Variants in PRRT1 observed in about 807,000 individuals in gnomAD.
PRRT1 encodes proline rich transmembrane protein 1.
PRRT1 carries 8 observed loss-of-function variants against 22.6 expected under a neutral mutation model. The ratio of observed to expected loss-of-function variants is 0.35; its 90% CI spans 0.21 to 0.64. The LOEUF is 0.64. PRRT1 is among the 30% of genes least tolerant of loss of function. The pLI is 0.69. For missense variants in PRRT1, 315 were observed against 444.5 expected, an observed-to-expected ratio of 0.71 and a Z score of 2.62; for synonymous variants, 176 against 203.6, an observed-to-expected ratio of 0.86 and a Z score of 1.15.
chr6:32,150,239 G>C lies in PRRT1; in HGVS notation c.558+129C>G. The C allele has an allele frequency of 8.4e-7, 1 of 1,185,468 alleles. No individual in the cohort carries two copies. Among genetic ancestry groups the C allele is most frequent in the Non-Finnish European group, 1.1e-6 (1 of 892,836 alleles). 73.4% of individuals were successfully genotyped at this position (1,185,468 alleles called of 1,614,324 possible). A position where few individuals can be genotyped will look rare whatever the true frequency, so the allele number is the denominator to read the frequency against. ...TGTCTCAGGCTCCCTTCTTTCTAGGGCTTGTCCCGGGAACACTACCTGTTC... is the reference window on the plus strand; with the variant it reads ...TGTCTCAGGCTCCCTTCTTTCTAGGCCTTGTCCCGGGAACACTACCTGTTC... On this transcript the variant is annotated intron_variant, in intron 2 of 3. Coordinates refer to ENST00000211413, the MANE Select transcript of PRRT1 (RefSeq NM_030651.4). This position sits in a 1 kb window ranked among gnomAD's most constrained non-coding sequence, Gnocchi z 7.2.
rs866340082 is a variant in PRRT1 at position 32,150,625 on chromosome 6, A to T, written c.301T>A (p.Cys101Ser). 2 of 1,410,548 alleles carry T rather than the reference A, an allele frequency of 1.4e-6. No homozygotes were observed. The highest frequency in any genetic ancestry group is 5.5e-5 in the East Asian group (2 of 36,294). 87.4% of individuals were successfully genotyped at this position (1,410,548 alleles called of 1,614,324 possible). The stretch of plus-strand genomic sequence containing the variant: ...GGTGGCATGCGGGGCAAGGTAGCGC[A>T]GCCGGGTGGGGGTGCCCCGGCAGCA... ...GPAAGAPPPGCATLPRMPPDP... is the reference protein window; with the variant it reads ...GPAAGAPPPGSATLPRMPPDP... Residue 101 changes from cysteine (C) to serine (S), a missense_variant, in exon 2 of 4, where the codon TGC (cysteine) becomes AGC (serine). Cys to Ser is a moderately radical substitution (Grantham distance 112, BLOSUM62 -1). Transcript: ENST00000211413. This position sits in a 1 kb window ranked among gnomAD's most constrained non-coding sequence, Gnocchi z 7.2.
Position 32,150,670 on chromosome 6 carries a change from G to T in PRRT1, c.256C>A (p.His86Asn). The change falls in exon 2 of 4, where the codon CAC becomes AAC. Residue 86 changes from histidine (H) to asparagine (N), a missense_variant. By Grantham distance (68) the His-to-Asn change is moderately conservative. This residue lies in a region of PRRT1 where 263 missense variants were observed against 328.5 expected (regional missense o/e 0.80). Transcript: ENST00000211413. This position sits in a 1 kb window ranked among gnomAD's most constrained non-coding sequence, Gnocchi z 7.2. The part of the protein sequence containing the change: ...SSSATLPRPP[H>N]HAPPGPAAGA... The stretch of plus-strand genomic sequence containing the variant: ...GCAGCAGGGCCGGGAGGGGCGTGGT[G>T]GGGGGGCCTCGGCAGCGTGGCAGAG... 1.4e-6 allele frequency: 2 copies of T among 1,427,040 alleles called. No individual in the cohort carries two copies. The highest frequency in any genetic ancestry group is 1.5e-5 in the South Asian group (1 of 65,960). The allele number at this position is 1,427,040 out of a possible 1,614,324, so 88.4% of individuals were successfully genotyped here. A position where few individuals can be genotyped will look rare whatever the true frequency, so the allele number is the denominator to read the frequency against.
rs1783099420 is a variant in PRRT1, at chr6:32,148,788, A to C, written c.*434T>G. 3 of 478,208 alleles carry C rather than the reference A, an allele frequency of 6.3e-6. No homozygotes were observed. Among genetic ancestry groups the C allele is most frequent in the Non-Finnish European group, 1.2e-5 (3 of 241,822 alleles). 29.6% of individuals were successfully genotyped at this position (478,208 alleles called of 1,614,324 possible). On this transcript the variant is annotated 3_prime_UTR_variant, in exon 4 of 4. Transcript: ENST00000211413. The surrounding 1 kb of genome is among the most constrained non-coding windows in gnomAD (Gnocchi z 5.7). ...TCTGTGGGCGAGGCCTGGAGCCACA[A>C]ACCCAATCACTGGACTGAATCACCC...
chr6:32,151,645 G>C, intron 1 of PRRT1, 164 bp downstream of exon 1: 1 of 619,068 alleles, frequency 1.6e-6, no homozygotes, highest in Admixed American at 2.5e-5. Flanking sequence ...GAAGAGAAAG[G>C]GGGAGACAGA....
In PRRT1 at chr6:32,149,905, G is replaced by T; in HGVS notation, c.559-183C>A. On this transcript the variant is annotated intron_variant, in intron 2 of 3. Transcript: ENST00000211413. The surrounding 1 kb of genome is among the most constrained non-coding windows in gnomAD (Gnocchi z 8.7). ...CCTAAGCCCCTCTCCTCCCTTCCTT[G>T]CTTCATTAACCACCATATTCTTGGG... is the stretch of plus-strand genomic sequence containing the variant. 1.7e-6 allele frequency: 1 copy of T among 579,774 alleles called. No homozygotes were observed. The highest frequency in any genetic ancestry group is 3.0e-6 in the Non-Finnish European group (1 of 328,966). The allele number at this position is 579,774 out of a possible 1,614,324, so 35.9% of individuals were successfully genotyped here.
In PRRT1 at chr6:32,150,323, A is replaced by G; in HGVS notation, c.558+45T>C. 1 of 1,540,164 alleles carries G rather than the reference A, an allele frequency of 6.5e-7. No individual in the cohort carries two copies. On this transcript the variant is annotated intron_variant, in intron 2 of 3. Transcript: ENST00000211413. The surrounding 1 kb of genome is among the most constrained non-coding windows in gnomAD (Gnocchi z 7.2). The stretch of plus-strand genomic sequence containing the variant: ...GCGTATCCCCAATTTCAAGTCCTGT[A>G]TCGCGTCCCCCTCTTTCCCATGTCC...
rs1162289285 is a variant in PRRT1, at chr6:32,150,726, G to A, written c.200C>T (p.Ser67Phe). The A allele has an allele frequency of 1.3e-6, 2 of 1,490,264 alleles. No homozygotes were observed. The highest frequency in any genetic ancestry group is 1.4e-5 in the African/African-American group (1 of 71,960). The allele number at this position is 1,490,264 out of a possible 1,614,324, so 92.3% of individuals were successfully genotyped here. ...PRLGAGGLASSAATAQRGPSS... is the reference protein window; with the variant it reads ...PRLGAGGLASFAATAQRGPSS... ...GGGACCGCGCTGAGCGGTGGCCGCG[G>A]AAGAGGCCAGGCCCCCTGCCCCTAA... The change falls in exon 2 of 4, where the codon TCC becomes TTC. Residue 67 changes from serine (S) to phenylalanine (F), a missense_variant. By Grantham distance (155) the Ser-to-Phe change is radical (BLOSUM62 -2). Coordinates refer to ENST00000211413, the MANE Select transcript of PRRT1 (RefSeq NM_030651.4). The surrounding 1 kb of genome is among the most constrained non-coding windows in gnomAD (Gnocchi z 7.2).
In PRRT1 at chr6:32,150,686, C is replaced by A; in HGVS notation, c.240G>T (p.Thr80=). The stretch of plus-strand genomic sequence containing the variant: ...GGGCGTGGTGGGGGGGCCTCGGCAG[C>A]GTGGCAGAGGAGGAGGGACCGCGCT... ...TAQRGPSSSA[T]LPRPPHHAPP... The change falls in exon 2 of 4, where the codon ACG becomes ACT. Residue 80 remains threonine, a synonymous_variant. Transcript: ENST00000211413. The surrounding 1 kb of genome is among the most constrained non-coding windows in gnomAD (Gnocchi z 7.2). 2.8e-6 allele frequency: 4 copies of A among 1,433,130 alleles called. No homozygotes were observed. The highest frequency in any genetic ancestry group is 3.6e-6 in the Non-Finnish European group (4 of 1,098,282). The allele number at this position is 1,433,130 out of a possible 1,614,324, so 88.8% of individuals were successfully genotyped here.
chr6:32,152,028 G>C (rs1475143087), upstream of PRRT1: 3 of 628,368 alleles, frequency 4.8e-6, no homozygotes, highest in Admixed American at 6.3e-5. Flanking sequence ...GCGAGGGAGG[G>C]GGAGCGCTTC....
Position 32,149,202 on chromosome 6 carries a change from G to C in PRRT1, c.*20C>G. The C allele has an allele frequency of 6.2e-7, 1 of 1,610,164 alleles. No individual in the cohort carries two copies. The highest frequency in any genetic ancestry group is 8.5e-7 in the Non-Finnish European group (1 of 1,179,138). ...CTGGGAGATCGAGGGGCGCAGAGTGGGGCCGGACCAGGGGCGTTTTTAGGG... is the reference window on the plus strand; with the variant it reads ...CTGGGAGATCGAGGGGCGCAGAGTGCGGCCGGACCAGGGGCGTTTTTAGGG... On this transcript the variant is annotated 3_prime_UTR_variant, in exon 4 of 4. Coordinates refer to ENST00000211413, the MANE Select transcript of PRRT1 (RefSeq NM_030651.4). The surrounding 1 kb of genome is among the most constrained non-coding windows in gnomAD (Gnocchi z 8.7).
chr6:32,149,476 CCCCAGAACG>C lies in PRRT1; in HGVS notation c.744+52_744+60del, dbSNP rs1292447782. On this transcript the variant is annotated intron_variant, in intron 3 of 3. Transcript: ENST00000211413. This position sits in a 1 kb window ranked among gnomAD's most constrained non-coding sequence, Gnocchi z 8.7. ...CGCCTCAGCCTTTCTCTAAGATGGT[CCCCAGAACG>C]CCCAGAACTCCCTGTCCCCGCCCCC... The C allele has an allele frequency of 6.2e-7, 1 of 1,605,176 alleles. No individual in the cohort carries two copies. Among genetic ancestry groups the C allele is most frequent in the East Asian group, 2.2e-5 (1 of 44,638 alleles).
intron 1 of PRRT1, 128 bp from the exon 2 acceptor site, chr6:32,151,034 C>A: frequency 2.4e-6 from 2 of 821,368 alleles, no homozygotes; most frequent in Non-Finnish European, 4.0e-6. Context: ...TAGAGAGAGA[C>A]GGGTGAGAAA....
chr6:32,148,761 C>A lies in PRRT1; in HGVS notation c.*461G>T, dbSNP rs1561797547. On this transcript the variant is annotated 3_prime_UTR_variant, in exon 4 of 4. Transcript: ENST00000211413. The surrounding 1 kb of genome is among the most constrained non-coding windows in gnomAD (Gnocchi z 5.7). Reference sequence around the variant, plus strand: ...GCCGGAAGAAAGGGAGGGGTCTGTCCGTCTGTGGGCGAGGCCTGGAGCCAC... The same window carrying A: ...GCCGGAAGAAAGGGAGGGGTCTGTCAGTCTGTGGGCGAGGCCTGGAGCCAC... The A allele has an allele frequency of 2.1e-6, 1 of 469,992 alleles. No individual in the cohort carries two copies. The highest frequency in any genetic ancestry group is 6.6e-5 in the East Asian group (1 of 15,222). The allele number at this position is 469,992 out of a possible 1,614,324, so 29.1% of individuals were successfully genotyped here. A position where few individuals can be genotyped will look rare whatever the true frequency, so the allele number is the denominator to read the frequency against.
In PRRT1 at chr6:32,149,711, G is replaced by A. The variant is rs543250418; in HGVS notation, c.570C>T (p.Gly190=). Residue 190 remains glycine (G), a synonymous_variant, in exon 3 of 4, where the codon GGC becomes GGT. Coordinates refer to ENST00000211413, the MANE Select transcript of PRRT1 (RefSeq NM_030651.4). This position sits in a 1 kb window ranked among gnomAD's most constrained non-coding sequence, Gnocchi z 8.7. The stretch of plus-strand genomic sequence containing the variant: ...TCACTCCTGTTCCCCCCGGGGTCCC[G>A]CCTGCATATGGCTGTGGAAGGAAAT... The part of the protein sequence containing the change: ...PVYPVGTPYA[G]GTPGGTGVTS... 1,287 of 1,584,776 alleles carry A rather than the reference G, an allele frequency of 8.1e-4. 3 individuals are homozygous for A. Among genetic ancestry groups the A allele is most frequent in the African/African-American group, 3.6e-3 (270 of 74,488 alleles).
Position 32,149,695 on chromosome 6 carries a change from T to C in PRRT1, c.586A>G (p.Thr196Ala). The C allele has an allele frequency of 6.2e-7, 1 of 1,603,652 alleles. No homozygotes were observed. Among genetic ancestry groups the C allele is most frequent in the Non-Finnish European group, 8.5e-7 (1 of 1,175,252 alleles). The change falls in exon 3 of 4, where the codon ACA (threonine) becomes GCA (alanine). Residue 196 changes from threonine to alanine, a missense_variant. Transcript: ENST00000211413. This position sits in a 1 kb window ranked among gnomAD's most constrained non-coding sequence, Gnocchi z 8.7. ...TPYAGGTPGG[T>A]GVTSTLPPPP... The stretch of plus-strand genomic sequence containing the variant: ...GGGGGGAGAGTGGAGGTCACTCCTG[T>C]TCCCCCCGGGGTCCCGCCTGCATAT...
chr6:32,150,498 G>A lies in PRRT1; in HGVS notation c.428C>T (p.Ala143Val), dbSNP rs944311390. 7.5e-6 allele frequency: 11 copies of A among 1,457,810 alleles called. No individual in the cohort carries two copies. Among genetic ancestry groups the A allele is most frequent in the Non-Finnish European group, 8.1e-6 (9 of 1,110,658 alleles). The allele number at this position is 1,457,810 out of a possible 1,614,324, so 90.3% of individuals were successfully genotyped here. The stretch of plus-strand genomic sequence containing the variant: ...GTGCGTGGGCACCACGAAGCCAGGG[G>A]CCTGGGCAGTCTGGGCTGGCGCCGG... ...PPPAPAQTAQ[A>V]PGFVVPTHAG... The change falls in exon 2 of 4, where the codon GCC becomes GTC. Residue 143 changes from alanine to valine, a missense_variant. Transcript: ENST00000211413. This position sits in a 1 kb window ranked among gnomAD's most constrained non-coding sequence, Gnocchi z 7.2.
chr6:32,151,652 CAGAA>C, intron 1 of PRRT1, 153 bp downstream of exon 1: 1 of 602,308 alleles, frequency 1.7e-6, no homozygotes, highest in South Asian at 1.8e-5. Context: ...AAGGGGGAGA[CAGAA>C]AGAGGAGGGG....
chr6:32,150,677 C>T lies in PRRT1; in HGVS notation c.249G>A (p.Arg83=), dbSNP rs767801971. The change falls in exon 2 of 4, where the codon AGG becomes AGA. Residue 83 remains arginine, a synonymous_variant. Transcript: ENST00000211413. The surrounding 1 kb of genome is among the most constrained non-coding windows in gnomAD (Gnocchi z 7.2). ...GGCCGGGAGGGGCGTGGTGGGGGGG[C>T]CTCGGCAGCGTGGCAGAGGAGGAGG... The part of the protein sequence containing the change: ...RGPSSSATLP[R]PPHHAPPGPA... 1.2e-5 allele frequency: 17 copies of T among 1,429,580 alleles called. No individual in the cohort carries two copies. Among genetic ancestry groups the T allele is most frequent in the Non-Finnish European group, 1.5e-5 (16 of 1,097,192 alleles). 88.6% of individuals were successfully genotyped at this position (1,429,580 alleles called of 1,614,324 possible). A position where few individuals can be genotyped will look rare whatever the true frequency, so the allele number is the denominator to read the frequency against.
In PRRT1 at chr6:32,149,024, T is replaced by G; in HGVS notation, c.*198A>C. On this transcript the variant is annotated 3_prime_UTR_variant, in exon 4 of 4. Coordinates refer to ENST00000211413, the MANE Select transcript of PRRT1 (RefSeq NM_030651.4). This position sits in a 1 kb window ranked among gnomAD's most constrained non-coding sequence, Gnocchi z 8.7. Reference sequence around the variant, plus strand: ...AAAGCGGCGTCCCTGGGGGTGTGGGTTTTGGAGGGGTTCCTGAGGAACTGG... The same window carrying G: ...AAAGCGGCGTCCCTGGGGGTGTGGGGTTTGGAGGGGTTCCTGAGGAACTGG... 2.7e-6 allele frequency: 2 copies of G among 729,312 alleles called. No homozygotes were observed. Among genetic ancestry groups the G allele is most frequent in the Non-Finnish European group, 4.9e-6 (2 of 409,274 alleles). 45.2% of individuals were successfully genotyped at this position (729,312 alleles called of 1,614,324 possible). A position where few individuals can be genotyped will look rare whatever the true frequency, so the allele number is the denominator to read the frequency against.
Sources: allele counts gnomAD v4.1 joint callset, GRCh38; gene constraint gnomAD v4.1.1; regional missense constraint gnomAD v4.1.1; non-coding constraint Gnocchi (gnomAD v3.1); transcripts MANE v1.5; gene names NCBI Gene and HGNC (gene_info 2026-07-23, HGNC 2026-07-21).